The following CAMK2G variants were observed in gnomAD, a reference collection of about 807,000 sequenced individuals.
CAMK2G encodes the protein calcium/calmodulin-dependent protein kinase type II subunit gamma.
In CAMK2G, 23 loss-of-function variants were observed where a neutral mutation model predicts 88.7. The observed-to-expected ratio is 0.26, with a 90% confidence interval of 0.19 to 0.37. The LOEUF is 0.37. Ranked by LOEUF, CAMK2G falls within the 10% of genes least tolerant of loss-of-function variation. The pLI is 1.00. For missense variants in CAMK2G, 476 were observed against 780.8 expected (o/e 0.61, Z 4.65); for synonymous variants, 263 against 294.8 (o/e 0.89, Z 1.11).
intron 2 of CAMK2G, among the ~76,000 whole-genome samples, chr10:73,872,395 G>C (rs1172058763): frequency 6.6e-6 from 1 of 152,242 alleles, no homozygotes; most frequent in Non-Finnish European, 1.5e-5. Flanking sequence ...GACTACATCT[G>C]CTGCTGCACC....
At chr10:73,829,008 T>A (rs575486026) in intron 14 of CAMK2G, among the ~76,000 whole-genome samples, 12 of 152,346 alleles carry the variant, frequency 7.9e-5, no homozygotes, top group African/African-American at 2.9e-4. Context: ...AAGGTCCCCC[T>A]GTAATATGTC....
rs376942773 is a variant in CAMK2G, at chr10:73,848,627, G to C, written c.518-18C>G. The C allele has an allele frequency of 6.6e-7, 1 of 1,516,660 alleles. No individual in the cohort carries two copies. Among genetic ancestry groups the C allele is most frequent in the Non-Finnish European group, 9.1e-7 (1 of 1,097,248 alleles). 94.0% of individuals were successfully genotyped at this position (1,516,660 alleles called of 1,614,324 possible). A position where few individuals can be genotyped will look rare whatever the true frequency, so the allele number is the denominator to read the frequency against. ...AGCAAAACCTGTAGCAAAAGAGAGGGCAGAGGCATACTGAACCCACTTTCT... is the reference window on the plus strand; with the variant it reads ...AGCAAAACCTGTAGCAAAAGAGAGGCCAGAGGCATACTGAACCCACTTTCT... On this transcript the variant is annotated intron_variant, in intron 7 of 22. Coordinates refer to ENST00000423381, the MANE Select transcript of CAMK2G (RefSeq NM_001367534.1). This position sits in a 1 kb window ranked among gnomAD's most constrained non-coding sequence, Gnocchi z 4.5.
At chr10:73,826,590 G>A (rs975938322) in intron 15 of CAMK2G, among the ~76,000 whole-genome samples, 18 of 152,192 alleles carry the variant, frequency 1.2e-4, no homozygotes, top group Admixed American at 9.2e-4. Flanking sequence ...CCTAACCAGC[G>A]TACTCCATCT....
chr10:73,854,795 T>G (rs1446735118), intron 3 of CAMK2G, among the ~76,000 whole-genome samples: 1 of 152,110 alleles, frequency 6.6e-6, no homozygotes, highest in African/African-American at 2.4e-5. Context: ...TATAGCCCCC[T>G]TGTTCTCCTC....
At chr10:73,840,566 C>T (rs1243920943) in intron 12 of CAMK2G, among the ~76,000 whole-genome samples, 1 of 152,210 alleles carries the variant, frequency 6.6e-6, no homozygotes, top group East Asian at 1.9e-4. Flanking sequence ...AAAGGCCAGT[C>T]TAGGTCTGGC....
chr10:73,852,525 C>G (rs369558157), intron 4 of CAMK2G: 2 of 555,548 alleles, frequency 3.6e-6, no homozygotes, highest in Non-Finnish European at 6.4e-6. Flanking sequence ...CCCTTCCTTC[C>G]GGACATTTCT....
chr10:73,813,729 G>T lies in CAMK2G; in HGVS notation c.*789C>A, dbSNP rs1005267405. On this transcript the variant is annotated 3_prime_UTR_variant, in exon 23 of 23. Transcript: ENST00000423381. ...TGCAGGGATAAGGCCTCAATATTAG[G>T]GCCCACATGCATTGTGCATCCTATA... 5 of 152,682 alleles carry T rather than the reference G, an allele frequency of 3.3e-5. No homozygotes were observed. Among genetic ancestry groups the T allele is most frequent in the African/African-American group, 1.2e-4 (5 of 41,442 alleles). The allele number at this position is 152,682 out of a possible 1,614,324, so 9.5% of individuals were successfully genotyped here. A position where few individuals can be genotyped will look rare whatever the true frequency, so the allele number is the denominator to read the frequency against.
intron 15 of CAMK2G, among the ~76,000 whole-genome samples, chr10:73,827,778 AAG>A (rs1371934407): frequency 2.0e-5 from 3 of 152,188 alleles, no homozygotes; most frequent in African/African-American, 7.2e-5. Context: ...TCTGGGTGAC[AAG>A]AGAGTGAGGG....
intron 5 of CAMK2G, among the ~76,000 whole-genome samples, chr10:73,851,320 G>A (rs1247477581): frequency 1.3e-5 from 2 of 152,196 alleles, no homozygotes; most frequent in African/African-American, 4.8e-5. Context: ...GGGAAAGGCA[G>A]GCTGAACAGG....
chr10:73,827,332 G>A (rs891745482), intron 15 of CAMK2G, among the ~76,000 whole-genome samples: 6 of 152,192 alleles, frequency 3.9e-5, no homozygotes, highest in African/African-American at 7.2e-5. Flanking sequence ...GACTACAGGC[G>A]CCCACCACCA....
chr10:73,849,238 A>C, intron 6 of CAMK2G, 23 bp downstream of exon 6: 1 of 1,605,952 alleles, frequency 6.2e-7, no homozygotes, highest in South Asian at 1.1e-5. Context: ...GAGCAGAGGC[A>C]CGGAGGGGAG....
At chr10:73,821,820 C>T (rs2088911377) in intron 17 of CAMK2G, 90 bp from the exon 18 acceptor site, 5 of 1,003,930 alleles carry the variant, frequency 5.0e-6, no homozygotes, top group Non-Finnish European at 7.7e-6. Context: ...TCTGCTCCTA[C>T]AAGAGGTGCA....
chr10:73,872,156 C>T (rs968044741), intron 2 of CAMK2G, among the ~76,000 whole-genome samples: 2 of 152,182 alleles, frequency 1.3e-5, no homozygotes, highest in African/African-American at 4.8e-5. Context: ...CTACACCTAT[C>T]AGATGAGGTG....
chr10:73,824,845 T>C (rs893749473), intron 16 of CAMK2G, among the ~76,000 whole-genome samples: 3 of 152,216 alleles, frequency 2.0e-5, no homozygotes, highest in African/African-American at 4.8e-5. Flanking sequence ...CCCAGCCCTC[T>C]TTCCTGTTTC....
At chr10:73,820,464 T>TATATATATATATATATA in intron 18 of CAMK2G, among the ~76,000 whole-genome samples, 1 of 74,088 alleles carries the variant, frequency 1.3e-5, no homozygotes, top group South Asian at 5.4e-4. Context: ...GGTTTTATAT[T>TATATATATATATATATA]TATATATATA....
In CAMK2G at chr10:73,817,137, A is replaced by G. The variant is rs76153311; in HGVS notation, c.1440-20T>C. 6.3e-7 allele frequency: 1 copy of G among 1,587,044 alleles called. No individual in the cohort carries two copies. The highest frequency in any genetic ancestry group is 1.4e-5 in the African/African-American group (1 of 73,014). On this transcript the variant is annotated intron_variant, in intron 20 of 22. Coordinates refer to ENST00000423381, the MANE Select transcript of CAMK2G (RefSeq NM_001367534.1). ...ATCTTCCTACAGGGAGAAAAAAAAA[A>G]GCAGCCTATCAGGCTTCTATGGAGT...
At chr10:73,847,963 G>C in intron 9 of CAMK2G, 25 bp downstream of exon 9, 1 of 1,440,856 alleles carries the variant, frequency 6.9e-7, no homozygotes, top group Non-Finnish European at 9.8e-7. Context: ...TTCCTGGCCT[G>C]GCTGCCCGGC....
intron 2 of CAMK2G, among the ~76,000 whole-genome samples, chr10:73,870,238 C>T (rs1591447254): frequency 1.3e-5 from 2 of 152,218 alleles, no homozygotes; most frequent in Admixed American, 6.5e-5. Context: ...CTCCTTCGGC[C>T]TAGTGGAGCT....
intron 14 of CAMK2G, 194 bp downstream of exon 14, chr10:73,837,274 G>A (rs1252589230): frequency 1.7e-5 from 11 of 664,832 alleles, no homozygotes; most frequent in Admixed American, 6.7e-5. Flanking sequence ...ATCCAGCTAG[G>A]GCCAGGAAAA....
Sources: gnomAD v4.1 joint callset for allele counts (sites outside exome capture counted in the v4.1 genomes callset) on GRCh38, gnomAD v4.1.1 for gene constraint, Gnocchi (gnomAD v3.1) non-coding constraint, MANE v1.5 for transcripts, NCBI Gene and HGNC (gene_info 2026-07-23, HGNC 2026-07-21) for gene names.